The following CALCOCO2 variants were observed in gnomAD, a reference collection of about 807,000 sequenced individuals.
CALCOCO2 encodes the protein calcium binding and coiled-coil domain 2, also known as calcium-binding and coiled-coil domain-containing protein 2.
A neutral mutation model predicts 62.5 loss-of-function variants in CALCOCO2; 42 were observed. That is an observed-to-expected ratio of 0.67 (90% CI 0.53 to 0.87). CALCOCO2 has a LOEUF of 0.87. Ranked by LOEUF, CALCOCO2 falls within the 40% of genes least tolerant of loss-of-function variation. CALCOCO2 has a pLI of 0.00. For synonymous variants in CALCOCO2, 167 were observed against 173.0 expected (o/e 0.97, Z 0.27); for missense variants, 456 against 515.0 (o/e 0.89, Z 1.11).
At chr17:48,856,653 A>C (rs1032191608) in intron 10 of CALCOCO2, 2 of 453,572 alleles carry the variant, frequency 4.4e-6, no homozygotes, top group Non-Finnish European at 4.4e-6. Flanking sequence ...TCATTCATTC[A>C]TTCATTCATT....
chr17:48,846,395 T>C, intron 2 of CALCOCO2: 1 of 783,928 alleles, frequency 1.3e-6, no homozygotes, highest in Non-Finnish European at 2.1e-6. Context: ...CAGTCTGCTT[T>C]CCTTCCCTCA....
chr17:48,844,793 C>T (rs1019108456), intron 2 of CALCOCO2, among the ~76,000 whole-genome samples: 2 of 151,696 alleles, frequency 1.3e-5, no homozygotes, highest in Non-Finnish European at 1.5e-5. Context: ...GCTGGGATTA[C>T]AGGCGTGAGC....
intron 2 of CALCOCO2, chr17:48,847,798 G>A: frequency 3.7e-6 from 1 of 272,358 alleles, no homozygotes; most frequent in South Asian, 4.4e-5. Flanking sequence ...TGGGATTACA[G>A]GCGCACACCA....
chr17:48,831,683 A>T (rs1460525841), intron 1 of CALCOCO2: 1 of 152,208 alleles, frequency 6.6e-6, no homozygotes, highest in Non-Finnish European at 1.5e-5. Flanking sequence ...CCACTGACCC[A>T]GCTTAGTTTG....
chr17:48,836,506 A>C (rs1166163069), intron 1 of CALCOCO2, among the ~76,000 whole-genome samples: 1 of 152,204 alleles, frequency 6.6e-6, no homozygotes, highest in Non-Finnish European at 1.5e-5. Flanking sequence ...ATATCTTGTT[A>C]GTTCATTTAT....
intron 2 of CALCOCO2, 62 bp from the exon 3 acceptor site, chr17:48,848,002 C>A: frequency 2.3e-6 from 2 of 888,078 alleles, no homozygotes; most frequent in Admixed American, 2.0e-5. Context: ...GAAGATGTAG[C>A]CCAATTAGGA....
chr17:48,839,347 G>T (rs1220425751), intron 1 of CALCOCO2: 1 of 100,292 alleles, frequency 1.0e-5, no homozygotes, highest in African/African-American at 3.4e-5. Flanking sequence ...CTCCAAAATG[G>T]TTTCTCTTTT....
intron 1 of CALCOCO2, among the ~76,000 whole-genome samples, chr17:48,838,945 C>A (rs1025663899): frequency 6.6e-6 from 1 of 151,830 alleles, no homozygotes; most frequent in South Asian, 2.1e-4. Flanking sequence ...GAAAACAGTG[C>A]ATGTGATTTG....
intron 4 of CALCOCO2, chr17:48,848,745 G>A: frequency 1.8e-6 from 1 of 553,538 alleles, no homozygotes; most frequent in Non-Finnish European, 3.4e-6. Flanking sequence ...TATCACAATG[G>A]TAAATGTAAA....
chr17:48,844,441 A>G (rs1157941307), intron 2 of CALCOCO2, among the ~76,000 whole-genome samples: 1 of 151,916 alleles, frequency 6.6e-6, no homozygotes, highest in Non-Finnish European at 1.5e-5. Flanking sequence ...ACCATATATC[A>G]TATGAAAATC....
At position 48,856,146 on chromosome 17, in the gene CALCOCO2, G is replaced by A; in HGVS notation, c.967G>A (p.Ala323Thr). Reference protein sequence around the residue: ...RLSENEIICNALQRQKERLEG... With the variant: ...RLSENEIICNTLQRQKERLEG... ...GAGTGAGAACGAAATTATATGTAAT[G>A]CTCTGCAGAGACAGAAAGAGAGATT... The change falls in exon 10 of 13, where the codon GCT becomes ACT. Residue 323 changes from alanine to threonine, a missense_variant. Coordinates refer to ENST00000258947, the MANE Select transcript of CALCOCO2 (RefSeq NM_005831.5). 2 of 1,605,012 alleles carry A rather than the reference G, an allele frequency of 1.2e-6. No homozygotes were observed. Among genetic ancestry groups the A allele is most frequent in the Admixed American group, 1.7e-5 (1 of 59,764 alleles).
chr17:48,860,343 C>G lies in CALCOCO2; in HGVS notation c.1038C>G (p.Leu346=). 6.2e-7 allele frequency: 1 copy of G among 1,613,432 alleles called. No individual in the cohort carries two copies. The highest frequency in any genetic ancestry group is 8.5e-7 in the Non-Finnish European group (1 of 1,179,436). ...DLLKRENSRL[L]SYMGLDFNSL... ...TGAAGAGGGAGAACAGCAGATTGCTCAGTTACATGGGTCTGGATTTTAATT... is the reference window on the plus strand; with the variant it reads ...TGAAGAGGGAGAACAGCAGATTGCTGAGTTACATGGGTCTGGATTTTAATT... Residue 346 remains leucine, a synonymous_variant, in exon 11 of 13, where the codon CTC becomes CTG. Coordinates refer to ENST00000258947, the MANE Select transcript of CALCOCO2 (RefSeq NM_005831.5).
At chr17:48,838,809 A>C (rs899951029) in intron 1 of CALCOCO2, among the ~76,000 whole-genome samples, 10 of 152,178 alleles carry the variant, frequency 6.6e-5, no homozygotes, top group Admixed American at 1.3e-4. Context: ...GATATTATAT[A>C]GTATTTGCAT....
chr17:48,835,457 T>C (rs1018957250), intron 1 of CALCOCO2, among the ~76,000 whole-genome samples: 15 of 152,184 alleles, frequency 9.9e-5, no homozygotes, highest in African/African-American at 3.6e-4. Flanking sequence ...TCACATGCCA[T>C]TGGATGCCCT....
intron 1 of CALCOCO2, among the ~76,000 whole-genome samples, chr17:48,832,645 T>C (rs1737584303): frequency 6.6e-6 from 1 of 152,144 alleles, no homozygotes; most frequent in Non-Finnish European, 1.5e-5. Context: ...AGAACTAAGA[T>C]AGGAACCCAG....
chr17:48,861,661 G>GTGTATATATATATATA (rs573456839), intron 11 of CALCOCO2, among the ~76,000 whole-genome samples: 1 of 135,158 alleles, frequency 7.4e-6, no homozygotes, highest in African/African-American at 2.9e-5. Flanking sequence ...ATGTGTGTGT[G>GTGTATATATATATATA]TATATATATA....
At chr17:48,860,737 TATACAC>T (rs1567760910) in intron 11 of CALCOCO2, among the ~76,000 whole-genome samples, 2 of 152,210 alleles carry the variant, frequency 1.3e-5, no homozygotes, top group East Asian at 3.8e-4. Context: ...ATGTAGAAGA[TATACAC>T]ATACAAAGCT....
At chr17:48,839,743 C>T (rs1469321017) in intron 1 of CALCOCO2, among the ~76,000 whole-genome samples, 1 of 124,052 alleles carries the variant, frequency 8.1e-6, no homozygotes, top group African/African-American at 3.1e-5. Flanking sequence ...GTGGCATGAT[C>T]TTGGCTCACT....
intron 2 of CALCOCO2, among the ~76,000 whole-genome samples, chr17:48,847,214 A>G (rs1444196013): frequency 6.6e-6 from 1 of 152,110 alleles, no homozygotes; most frequent in Admixed American, 6.6e-5. Flanking sequence ...TGCCCCCAAC[A>G]CAGACATTAT....
Sources: gnomAD v4.1 joint callset for allele counts (sites outside exome capture counted in the v4.1 genomes callset) on GRCh38, gnomAD v4.1.1 for gene constraint, MANE v1.5 for transcripts, NCBI Gene and HGNC (gene_info 2026-07-23, HGNC 2026-07-21) for gene names.